RPS19: variants seen among roughly 807,000 people sequenced by gnomAD.
The protein encoded by RPS19 is small ribosomal subunit protein eS19.
A neutral mutation model predicts 20.3 loss-of-function variants in RPS19; 1 was observed. The observed-to-expected ratio is 0.05, with a 90% CI of 0.02 to 0.23. The LOEUF is 0.23. Among genes scored for constraint, RPS19 ranks in the 10% least tolerant of loss-of-function variants. RPS19 has a pLI of 1.00. For synonymous variants in RPS19, 87 were observed against 74.8 expected (o/e 1.16, Z -0.84); for missense variants, 111 against 192.7 (o/e 0.58, Z 2.51).
chr19:41,869,720 G>A lies in RPS19; in HGVS notation c.378G>A (p.Gln126=), dbSNP rs2074127046. The change falls in exon 5 of 6, where the codon CAG becomes CAA. Residue 126 remains glutamine, a synonymous_variant. Transcript: ENST00000598742. ...DQDGGRKLTP[Q]GQRDLDRIAG... ...ACAGCGGCCGCAAACTGACACCTCAGGGACAAAGAGATCTGGACAGAATCG... is the reference window on the plus strand; with the variant it reads ...ACAGCGGCCGCAAACTGACACCTCAAGGACAAAGAGATCTGGACAGAATCG... 3 of 1,614,120 alleles carry A rather than the reference G, an allele frequency of 1.9e-6. No individual in the cohort carries two copies. Among genetic ancestry groups the A allele is most frequent in the Non-Finnish European group, 1.7e-6 (2 of 1,180,014 alleles).
intron 4 of RPS19, 65 bp downstream of exon 4, chr19:41,869,279 C>G (rs890428086): frequency 7.0e-7 from 1 of 1,436,986 alleles, no homozygotes; most frequent in South Asian, 1.2e-5. Flanking sequence ...AATTCCCCAA[C>G]GAATGGTCCT....
At chr19:41,864,169 T>C (rs1436071858) in intron 3 of RPS19, 1 of 152,158 alleles carries the variant, frequency 6.6e-6, no homozygotes, top group Non-Finnish European at 1.5e-5. Flanking sequence ...CTTAATTCTT[T>C]AAAGGACCTG....
intron 5 of RPS19, among the ~76,000 whole-genome samples, chr19:41,870,975 A>G (rs569576564): frequency 4.9e-4 from 70 of 142,242 alleles, no homozygotes; most frequent in African/African-American, 1.8e-3. Flanking sequence ...CAATTCTCCT[A>G]TCTCAGCTTC....
At chr19:41,864,951 G>C (rs1555840114) in intron 3 of RPS19, 1 of 152,196 alleles carries the variant, frequency 6.6e-6, no homozygotes, top group South Asian at 2.1e-4. Flanking sequence ...TTTCCAATTT[G>C]TGAAGTTAAT....
At chr19:41,860,950 G>A in intron 2 of RPS19, 105 bp downstream of exon 2, 1 of 1,174,642 alleles carries the variant, frequency 8.5e-7, no homozygotes, top group African/African-American at 1.5e-5. Context: ...CTTGTTTGGG[G>A]CCTCCGTGGC....
At chr19:41,860,547 C>G in intron 1 of RPS19, 1 of 583,078 alleles carries the variant, frequency 1.7e-6, no homozygotes, top group Non-Finnish European at 3.1e-6. Flanking sequence ...GCGCAGGATC[C>G]TCACACGCAG....
chr19:41,861,017 G>T (rs1555839130), intron 2 of RPS19, 95 bp from the exon 3 acceptor site: 4 of 1,135,910 alleles, frequency 3.5e-6, no homozygotes, highest in South Asian at 1.2e-5. Flanking sequence ...TTGTACTCTG[G>T]GCACAGCATA....
At chr19:41,870,360 C>T (rs146080834) in intron 5 of RPS19, among the ~76,000 whole-genome samples, 5 of 152,286 alleles carry the variant, frequency 3.3e-5, no homozygotes, top group Admixed American at 6.5e-5. Context: ...GATGTTTCCC[C>T]TTAGTCCTCA....
intron 5 of RPS19, among the ~76,000 whole-genome samples, chr19:41,870,352 T>C (rs2123287638): frequency 6.6e-6 from 1 of 152,244 alleles, no homozygotes; most frequent in East Asian, 1.9e-4. Flanking sequence ...CAGCCTGCGA[T>C]GTTTCCCCTT....
rs35155067 is a variant in RPS19 at position 41,865,949 on chromosome 19, TA to T, written c.173-3060del. On this transcript the variant is annotated intron_variant, in intron 3 of 5. Coordinates refer to ENST00000598742, the MANE Select transcript of RPS19 (RefSeq NM_001022.4). Reference sequence around the variant, plus strand: ...GGGCGACAGAGTGAGACTCCGTCTTTAAAAAAAAAAAAAAAAAAAAAAGGCC... The same window carrying T: ...GGGCGACAGAGTGAGACTCCGTCTTTAAAAAAAAAAAAAAAAAAAAAGGCC... Among the ~76,000 whole-genome samples the T allele has an allele frequency of 8.0e-3, 599 of 74,514 alleles. 3 individuals carry two copies. Among genetic ancestry groups the T allele is most frequent in the African/African-American group, 0.024 (476 of 20,062 alleles). 48.9% of individuals were successfully genotyped at this position (74,514 alleles called of 152,430 possible).
At position 41,871,406 on chromosome 19, in the gene RPS19, C is replaced by G; in HGVS notation, c.*29C>G. On this transcript the variant is annotated 3_prime_UTR_variant, in exon 6 of 6. Transcript: ENST00000598742. The stretch of plus-strand genomic sequence containing the variant: ...AAACCATGCTGGGTTAATAAATTGC[C>G]TCATTCGTAATCCTGGTCTGGGTCT... 6.2e-7 allele frequency: 1 copy of G among 1,607,402 alleles called. No individual in the cohort carries two copies.
At chr19:41,860,617 C>A (rs1480708491) in intron 1 of RPS19, 158 bp from the exon 2 acceptor site, 2 of 751,778 alleles carry the variant, frequency 2.7e-6, no homozygotes, top group African/African-American at 1.7e-5. Context: ...CTCCTTCAGA[C>A]CCGCAGGAGC....
intron 3 of RPS19, among the ~76,000 whole-genome samples, chr19:41,862,418 A>G (rs1038926145): frequency 1.4e-4 from 21 of 152,232 alleles, no homozygotes; most frequent in Middle Eastern, 3.4e-3. Context: ...AATGGGGCGG[A>G]TGAAGAGAAG....
At chr19:41,860,399 C>T (rs1427798669) in intron 1 of RPS19, 110 bp downstream of exon 1, 1 of 181,174 alleles carries the variant, frequency 5.5e-6, no homozygotes, top group East Asian at 1.6e-4. Context: ...CCCGTCCCGC[C>T]CCCTAGAGCC....
At chr19:41,860,722 T>TTGGCAG in intron 1 of RPS19, 53 bp from the exon 2 acceptor site, 1 of 1,334,088 alleles carries the variant, frequency 7.5e-7, no homozygotes, top group Non-Finnish European at 1.1e-6. Flanking sequence ...GTCCGTGCTC[T>TTGGCAG]TGGCAGTCGT....
rs2074151488 is a variant in RPS19, at chr19:41,871,750, C to G, written c.*373C>G. 3.6e-6 allele frequency: 1 copy of G among 280,200 alleles called. No homozygotes were observed. The highest frequency in any genetic ancestry group is 2.2e-5 in the African/African-American group (1 of 45,234). The allele number at this position is 280,200 out of a possible 1,614,324, so 17.4% of individuals were successfully genotyped here. On this transcript the variant is annotated 3_prime_UTR_variant, in exon 6 of 6. Transcript: ENST00000598742. ...GGTTTGGAGGAAGGACCCAGGGGCC[C>G]TTGTGGCTCACTCCCCCACATCCTG...
chr19:41,866,478 A>C (rs1056815653), intron 3 of RPS19, among the ~76,000 whole-genome samples: 3 of 152,186 alleles, frequency 2.0e-5, no homozygotes, highest in Non-Finnish European at 4.4e-5. Context: ...GGCTTACGCC[A>C]GGTGAGTCTG....
chr19:41,864,606 C>G (rs1465023837), intron 3 of RPS19: 1 of 152,308 alleles, frequency 6.6e-6, no homozygotes, highest in Non-Finnish European at 1.5e-5. Flanking sequence ...CACAGCTGCC[C>G]TCCCTTGACC....
chr19:41,861,122 C>G lies in RPS19; in HGVS notation c.82C>G (p.Leu28Val), dbSNP rs781997499. 1 of 1,613,856 alleles carries G rather than the reference C, an allele frequency of 6.2e-7. No individual in the cohort carries two copies. Among genetic ancestry groups the G allele is most frequent in the South Asian group, 1.1e-5 (1 of 91,074 alleles). The change falls in exon 3 of 6, where the codon CTG becomes GTG. Residue 28 changes from leucine to valine, a missense_variant. Physicochemically the swap from Leu to Val is conservative, Grantham distance 32. Coordinates refer to ENST00000598742, the MANE Select transcript of RPS19 (RefSeq NM_001022.4). ...CTGTTTTGGTCTTAGGTCCGGGAAG[C>G]TGAAAGTCCCCGAATGGGTGGATAC... is the stretch of plus-strand genomic sequence containing the variant. The part of the protein sequence containing the change: ...LAAFLKKSGK[L>V]KVPEWVDTVK...
Sources: gnomAD v4.1 joint callset for allele counts (sites outside exome capture counted in the v4.1 genomes callset) on GRCh38, gnomAD v4.1.1 for gene constraint, MANE v1.5 for transcripts, NCBI Gene and HGNC (gene_info 2026-07-23, HGNC 2026-07-21) for gene names.